PLD5: variants seen among roughly 807,000 people sequenced by gnomAD.
The protein encoded by PLD5 is inactive phospholipase D5.
A neutral mutation model predicts 61.1 loss-of-function variants in PLD5; 36 were observed. The observed-to-expected ratio is 0.59, with a 90% confidence interval of 0.45 to 0.78. The LOEUF is 0.78. PLD5 is among the 30% of genes least tolerant of loss of function. The pLI is 0.00. For synonymous variants in PLD5, 243 were observed against 242.8 expected (o/e 1.00, Z -0.01); for missense variants, 515 against 644.4 (o/e 0.80, Z 2.17).
At chr1:242,310,701 CA>C in intron 2 of PLD5, among the ~76,000 whole-genome samples, 1 of 152,116 alleles carries the variant, frequency 6.6e-6, no homozygotes, top group Non-Finnish European at 1.5e-5. Context: ...GAGAAAATAA[CA>C]GAATTAAGGA....
chr1:242,168,667 C>T lies in PLD5; in HGVS notation c.736-44002G>A, dbSNP rs1283447290. On this transcript the variant is annotated intron_variant, in intron 5 of 9. Coordinates refer to ENST00000536534, the MANE Select transcript of PLD5 (RefSeq NM_001372062.1). ...AAGCTTGTTGGGAATGAGTTATTGGCTCATTAAAACAACAATCCGCTGCAA... is the reference window on the plus strand; with the variant it reads ...AAGCTTGTTGGGAATGAGTTATTGGTTCATTAAAACAACAATCCGCTGCAA... Among the ~76,000 whole-genome samples, 6 of 152,158 alleles carry T rather than the reference C, an allele frequency of 3.9e-5. No homozygotes were observed. In the East Asian group the frequency reaches 1.2e-3, roughly 29 times the overall value.
intron 1 of PLD5, among the ~76,000 whole-genome samples, chr1:242,387,578 G>A (rs1662667073): frequency 1.3e-5 from 2 of 150,136 alleles, no homozygotes; most frequent in African/African-American, 2.4e-5. Context: ...TGTATATAAG[G>A]GTTCAGTTTA....
intron 1 of PLD5, among the ~76,000 whole-genome samples, chr1:242,505,629 C>G (rs546943502): frequency 5.9e-5 from 9 of 152,172 alleles, no homozygotes; most frequent in Non-Finnish European, 1.0e-4. Flanking sequence ...GTTTAAGGTT[C>G]CATGTGATGG....
chr1:242,254,348 G>GAAA (rs59783629), intron 4 of PLD5, among the ~76,000 whole-genome samples: 8 of 132,676 alleles, frequency 6.0e-5, no homozygotes, highest in Non-Finnish European at 7.8e-5. Flanking sequence ...TCATTTAACT[G>GAAA]AAAAAAAAAA....
Position 242,498,223 on chromosome 1 carries a change from G to A in PLD5, c.189+25865C>T, listed in dbSNP as rs182514918. On this transcript the variant is annotated intron_variant, in intron 1 of 9. Coordinates refer to ENST00000536534, the MANE Select transcript of PLD5 (RefSeq NM_001372062.1). The stretch of plus-strand genomic sequence containing the variant: ...CGTGATCCGCCCACCTTGGCCTCCC[G>A]AAGTGCTGGGATTACAGGCGTGAGC... 7.3e-3 allele frequency among the ~76,000 whole-genome samples: 1,112 copies of A among 152,236 alleles called. 13 individuals carry two copies. Among genetic ancestry groups the A allele is most frequent in the African/African-American group, 0.025 (1,056 of 41,542 alleles).
At chr1:242,194,618 GTATCTATCTATCTATC>G (rs547535096) in intron 5 of PLD5, among the ~76,000 whole-genome samples, 1 of 102,946 alleles carries the variant, frequency 9.7e-6, no homozygotes, top group Admixed American at 1.1e-4. Flanking sequence ...ATCTATCTAT[GTATCTATCTATCTATC>G]TATCTATCTA....
chr1:242,384,437 T>C (rs1007707946), intron 1 of PLD5, among the ~76,000 whole-genome samples: 1 of 152,232 alleles, frequency 6.6e-6, no homozygotes, highest in Admixed American at 6.5e-5. Context: ...ATGGTATTCA[T>C]AGTCACATCA....
intron 1 of PLD5, among the ~76,000 whole-genome samples, chr1:242,408,080 T>C (rs902117272): frequency 3.3e-5 from 5 of 152,132 alleles, no homozygotes; most frequent in Non-Finnish European, 7.3e-5. Context: ...AAAAATAAAA[T>C]AAACTTTCTC....
chr1:242,159,716 A>G (rs533306436), intron 5 of PLD5, among the ~76,000 whole-genome samples: 1 of 152,184 alleles, frequency 6.6e-6, no homozygotes, highest in South Asian at 2.1e-4. Flanking sequence ...CTTAATGTCA[A>G]CAGACTTTGT....
At chr1:242,510,090 C>T (rs1455343795) in intron 1 of PLD5, among the ~76,000 whole-genome samples, 10 of 152,088 alleles carry the variant, frequency 6.6e-5, no homozygotes, top group Non-Finnish European at 1.3e-4. Flanking sequence ...AATGAATGGG[C>T]TGGTGTTGGA....
At chr1:242,265,821 C>A (rs575525103) in intron 3 of PLD5, among the ~76,000 whole-genome samples, 1 of 152,270 alleles carries the variant, frequency 6.6e-6, no homozygotes, top group South Asian at 2.1e-4. Context: ...AGCTGGTTTT[C>A]CAATTTAAAA....
In PLD5 at chr1:242,224,346, G is replaced by A. The variant is rs57897926; in HGVS notation, c.608-4231C>T. On this transcript the variant is annotated intron_variant, in intron 4 of 9. Transcript: ENST00000536534. ...AATTTCTACTTCTAAAATAATTTTAGGCCTTTTTTTTACAATGTCACATAT... is the reference window on the plus strand; with the variant it reads ...AATTTCTACTTCTAAAATAATTTTAAGCCTTTTTTTTACAATGTCACATAT... Among the ~76,000 whole-genome samples the A allele has an allele frequency of 5.9e-3, 891 of 151,912 alleles. 11 individuals carry two copies. Among genetic ancestry groups the A allele is most frequent in the African/African-American group, 0.02 (833 of 41,428 alleles).
At position 242,220,032 on chromosome 1, in the gene PLD5, C is replaced by A. The variant is rs763027203; in HGVS notation, c.691G>T (p.Val231Leu). ...SSFWIVDKQH[V>L]YIGSAGLDWQ... ...TCCAAACCGGCACTGCCGATATACA[C>A]GTGCTGTTTGTCCACGATCCAGAAG... The change falls in exon 5 of 10, where the codon GTG becomes TTG. Residue 231 changes from valine to leucine, a missense_variant. Transcript: ENST00000536534. 13 of 1,614,206 alleles carry A rather than the reference C, an allele frequency of 8.1e-6. No homozygotes were observed. Among genetic ancestry groups the A allele is most frequent in the Middle Eastern group, 1.7e-4 (1 of 6,058 alleles).
intron 4 of PLD5, among the ~76,000 whole-genome samples, chr1:242,222,574 G>C (rs1004902997): frequency 2.6e-5 from 4 of 152,288 alleles, no homozygotes; most frequent in Non-Finnish European, 2.9e-5. Flanking sequence ...CGGCCCCGTG[G>C]CCAGTTGCCA....
At chr1:242,495,803 T>C (rs1341050217) in intron 1 of PLD5, among the ~76,000 whole-genome samples, 1 of 152,178 alleles carries the variant, frequency 6.6e-6, no homozygotes, top group East Asian at 1.9e-4. Context: ...GTAACAATGT[T>C]TGCATTCTTC....
At position 242,393,628 on chromosome 1, in the gene PLD5, GTATA is replaced by G. The variant is rs1258492345; in HGVS notation, c.190-45390_190-45387del. Among the ~76,000 whole-genome samples, 3 of 72,560 alleles carry G rather than the reference GTATA, an allele frequency of 4.1e-5. 1 individual carries two copies. The highest frequency in any genetic ancestry group is 5.8e-4 in the East Asian group (2 of 3,434). 47.6% of individuals were successfully genotyped at this position (72,560 alleles called of 152,430 possible). On this transcript the variant is annotated intron_variant, in intron 1 of 9. Coordinates refer to ENST00000536534, the MANE Select transcript of PLD5 (RefSeq NM_001372062.1). ...TGAGCATATATGTGTATATATATGA[GTATA>G]TATATGTGTATATATATGAGTATAT...
At chr1:242,180,526 A>G (rs1215317301) in intron 5 of PLD5, among the ~76,000 whole-genome samples, 4 of 152,186 alleles carry the variant, frequency 2.6e-5, no homozygotes, top group Non-Finnish European at 5.9e-5. Flanking sequence ...ATCAAAATAT[A>G]AGGTCCATAG....
intron 1 of PLD5, among the ~76,000 whole-genome samples, chr1:242,380,441 G>C (rs1162231550): frequency 6.6e-6 from 1 of 152,136 alleles, no homozygotes; most frequent in Non-Finnish European, 1.5e-5. Context: ...TTCTGTAATG[G>C]AAAATATTAT....
chr1:242,250,600 C>T (rs1390565666), intron 4 of PLD5, among the ~76,000 whole-genome samples: 5 of 152,142 alleles, frequency 3.3e-5, no homozygotes, highest in Admixed American at 2.0e-4. Context: ...AGCTTTGCTC[C>T]AAGTATTACT....
Sources: allele counts gnomAD v4.1 joint callset (sites outside exome capture counted in the v4.1 genomes callset), GRCh38; gene constraint gnomAD v4.1.1; transcripts MANE v1.5; gene names NCBI Gene and HGNC (gene_info 2026-07-23, HGNC 2026-07-21).